The following SLC4A10 variants were observed in gnomAD, a reference collection of about 807,000 sequenced individuals.
SLC4A10 encodes the protein sodium-driven chloride bicarbonate exchanger.
Under a neutral mutation model 137.7 loss-of-function variants are expected in SLC4A10, and 42 were observed. That is an observed-to-expected ratio of 0.30 (90% CI 0.24 to 0.39). The LOEUF is 0.39. Among genes scored for constraint, SLC4A10 ranks in the 10% least tolerant of loss-of-function variants. The pLI is 1.00. For synonymous variants in SLC4A10, 474 were observed against 464.1 expected, an observed-to-expected ratio of 1.02 and a Z score of -0.27; for missense variants, 925 against 1,355.0, an observed-to-expected ratio of 0.68 and a Z score of 4.98.
intron 1 of SLC4A10, among the ~76,000 whole-genome samples, chr2:161,660,600 C>CTTTG (rs1263401891): frequency 6.8e-6 from 1 of 147,576 alleles, no homozygotes; most frequent in African/African-American, 2.5e-5. Context: ...TTCTTTCTTT[C>CTTTG]TTTCTTTCTT....
intron 2 of SLC4A10, among the ~76,000 whole-genome samples, chr2:161,792,112 T>G (rs903855229): frequency 1.3e-5 from 2 of 152,170 alleles, no homozygotes; most frequent in East Asian, 1.9e-4. Flanking sequence ...AATAACTCAC[T>G]CACTATTTGG....
chr2:161,894,543 C>T (rs940958320), intron 10 of SLC4A10, 136 bp from the exon 11 acceptor site: 67 of 358,094 alleles, frequency 1.9e-4, no homozygotes, highest in Non-Finnish European at 2.3e-4. Context: ...ACAACATAAA[C>T]TTCTTTAGAG....
intron 19 of SLC4A10, among the ~76,000 whole-genome samples, chr2:161,953,257 C>T (rs1695100468): frequency 1.3e-5 from 2 of 152,064 alleles, no homozygotes; most frequent in South Asian, 4.1e-4. Flanking sequence ...TTTTCTTCAC[C>T]TCTATTGCCA....
At chr2:161,724,273 C>T (rs1487996173) in intron 1 of SLC4A10, among the ~76,000 whole-genome samples, 1 of 152,148 alleles carries the variant, frequency 6.6e-6, no homozygotes, top group East Asian at 1.9e-4. Flanking sequence ...GGTTTGCCTA[C>T]TTAAACTCAT....
intron 6 of SLC4A10, among the ~76,000 whole-genome samples, chr2:161,865,506 A>G (rs1335788840): frequency 6.6e-6 from 1 of 152,070 alleles, no homozygotes; most frequent in Non-Finnish European, 1.5e-5. Context: ...CATTTCTAAT[A>G]AGATTCATAT....
At chr2:161,933,950 A>G (rs141757635) in intron 15 of SLC4A10, among the ~76,000 whole-genome samples, 1 of 152,268 alleles carries the variant, frequency 6.6e-6, no homozygotes, top group Non-Finnish European at 1.5e-5. Context: ...AACAATGTGA[A>G]AAGTTTCCCT....
intron 22 of SLC4A10, 93 bp downstream of exon 22, chr2:161,964,401 T>A (rs1697232144): frequency 7.6e-7 from 1 of 1,317,148 alleles, no homozygotes; most frequent in African/African-American, 1.5e-5. Flanking sequence ...AACAACAGAG[T>A]CATTTTGAAC....
At chr2:161,958,383 T>G (rs535498807) in intron 20 of SLC4A10, 104 bp from the exon 21 acceptor site, 1 of 831,642 alleles carries the variant, frequency 1.2e-6, no homozygotes, top group African/African-American at 1.7e-5. Context: ...CTATACTGTT[T>G]CTATTCAAAA....
At chr2:161,804,893 A>G (rs1473093506) in intron 3 of SLC4A10, among the ~76,000 whole-genome samples, 3 of 152,148 alleles carry the variant, frequency 2.0e-5, no homozygotes, top group African/African-American at 7.2e-5. Context: ...TGGTTTGAAA[A>G]TCCAGGGCAA....
At chr2:161,904,482 T>C (rs751784309) in intron 13 of SLC4A10, among the ~76,000 whole-genome samples, 1 of 152,200 alleles carries the variant, frequency 6.6e-6, no homozygotes, top group Non-Finnish European at 1.5e-5. Context: ...ATTTGCTATG[T>C]ACCCGGGCCA....
intron 15 of SLC4A10, among the ~76,000 whole-genome samples, chr2:161,940,024 C>A (rs1383962016): frequency 6.6e-6 from 1 of 152,116 alleles, no homozygotes; most frequent in Non-Finnish European, 1.5e-5. Flanking sequence ...AGTGAAACAA[C>A]CATACTGGTA....
At position 161,967,641 on chromosome 2, in the gene SLC4A10, A is replaced by G. The variant is rs574877127; in HGVS notation, c.3159+2468A>G. On this transcript the variant is annotated intron_variant, in intron 23 of 26. Transcript: ENST00000446997. ...CACTCACCAGAAATTTGGTAATTCAATATCTTACTTGCTTTTATTAACTTT... is the reference window on the plus strand; with the variant it reads ...CACTCACCAGAAATTTGGTAATTCAGTATCTTACTTGCTTTTATTAACTTT... Among the ~76,000 whole-genome samples the G allele has an allele frequency of 4.1e-4, 62 of 152,230 alleles. 1 individual carries two copies. The South Asian group carries it at 0.012, about 29-fold the overall frequency.
chr2:161,775,591 G>A lies in SLC4A10; in HGVS notation c.130+4537G>A, dbSNP rs573425914. On this transcript the variant is annotated intron_variant, in intron 2 of 26. Coordinates refer to ENST00000446997, the MANE Select transcript of SLC4A10 (RefSeq NM_001178015.2). ...TCTGATGAAAAAACAATATGAAAGA[G>A]AATGCCACTCTATACTGAGCCTTAA... 1.4e-4 allele frequency among the ~76,000 whole-genome samples: 22 copies of A among 151,952 alleles called. No individual in the cohort carries two copies. The South Asian group carries it at 4.1e-3, about 29-fold the overall frequency.
Position 161,863,001 on chromosome 2 carries a change from T to C in SLC4A10, c.705T>C (p.Ile235=). ...AAAAACTCACCAACAGGATTCCCAT[T>C]GTTCGTTCCTTTGCTGATATTGGCA... is the stretch of plus-strand genomic sequence containing the variant. ...NQKKLTNRIP[I]VRSFADIGKK... The change falls in exon 6 of 27, where the codon ATT becomes ATC. Residue 235 remains isoleucine, a synonymous_variant. Transcript: ENST00000446997. 2 of 1,613,994 alleles carry C rather than the reference T, an allele frequency of 1.2e-6. No individual in the cohort carries two copies.
chr2:161,872,654 CTG>C (rs1414932030), intron 7 of SLC4A10, among the ~76,000 whole-genome samples: 1 of 150,964 alleles, frequency 6.6e-6, no homozygotes, highest in African/African-American at 2.4e-5. Context: ...AAAAGAATAA[CTG>C]GGCTTCACAG....
At chr2:161,762,301 A>T (rs1009912951) in intron 1 of SLC4A10, among the ~76,000 whole-genome samples, 1 of 152,036 alleles carries the variant, frequency 6.6e-6, no homozygotes, top group Non-Finnish European at 1.5e-5. Context: ...ATTCCAATAA[A>T]TTTTATGGCA....
chr2:161,982,527 T>G (rs1434482942), intron 26 of SLC4A10, among the ~76,000 whole-genome samples: 1 of 152,100 alleles, frequency 6.6e-6, no homozygotes, highest in African/African-American at 2.4e-5. Flanking sequence ...AGGGTGAGAT[T>G]AAACAGAGGG....
chr2:161,665,321 T>C (rs923518456), intron 1 of SLC4A10, among the ~76,000 whole-genome samples: 1 of 151,814 alleles, frequency 6.6e-6, no homozygotes, highest in African/African-American at 2.4e-5. Context: ...AAAATTAATA[T>C]TTTGGTCTTG....
intron 6 of SLC4A10, among the ~76,000 whole-genome samples, chr2:161,867,878 C>T (rs988867811): frequency 2.0e-5 from 3 of 151,800 alleles, no homozygotes; most frequent in African/African-American, 7.2e-5. Context: ...CTAACAGGCT[C>T]ATCTCATCTC....
Sources: gnomAD v4.1 joint callset for allele counts (sites outside exome capture counted in the v4.1 genomes callset) on GRCh38, gnomAD v4.1.1 for gene constraint, MANE v1.5 for transcripts, NCBI Gene and HGNC (gene_info 2026-07-23, HGNC 2026-07-21) for gene names.